ANTXR2: variants seen among roughly 807,000 people sequenced by gnomAD.
ANTXR2 encodes anthrax toxin receptor 2.
In ANTXR2, 44 loss-of-function variants were observed where a neutral mutation model predicts 73.7. The ratio of observed to expected loss-of-function variants is 0.60; its 90% CI spans 0.47 to 0.77. The LOEUF is 0.77. Among genes scored for constraint, ANTXR2 ranks in the 30% least tolerant of loss-of-function variants. The pLI is 0.00. For missense variants in ANTXR2, 604 were observed against 592.5 expected (o/e 1.02, Z -0.20); for synonymous variants, 217 against 205.9 (o/e 1.05, Z -0.46).
chr4:79,937,703 T>A (rs1227266785), intron 16 of ANTXR2, among the ~76,000 whole-genome samples: 1 of 151,958 alleles, frequency 6.6e-6, no homozygotes, highest in Non-Finnish European at 1.5e-5. Context: ...ATAGTGTTTT[T>A]AAAACCCCCT....
intron 16 of ANTXR2, among the ~76,000 whole-genome samples, chr4:79,966,550 T>C (rs1179637018): frequency 6.6e-6 from 1 of 152,084 alleles, no homozygotes; most frequent in Admixed American, 6.5e-5. Context: ...ATTTTCTGAA[T>C]AGGTAAATTA....
In ANTXR2 at chr4:79,978,170, C is replaced by A; in HGVS notation, c.1184G>T (p.Arg395Leu). 1.2e-6 allele frequency: 2 copies of A among 1,613,430 alleles called. No homozygotes were observed. The highest frequency in any genetic ancestry group is 1.7e-6 in the Non-Finnish European group (2 of 1,179,666). The change falls in exon 15 of 17, where the codon CGT becomes CTT. Residue 395 changes from arginine (R) to leucine (L), a missense_variant. Coordinates refer to ENST00000403729, the MANE Select transcript of ANTXR2 (RefSeq NM_058172.6). ...CTCAGTAGATCCTTTATCACCCCAACGAACCTGTAAAACAAAGGGAGAGTA... is the reference window on the plus strand; with the variant it reads ...CTCAGTAGATCCTTTATCACCCCAAAGAACCTGTAAAACAAAGGGAGAGTA... The part of the protein sequence containing the change: ...GVGGIKRMEV[R>L]WGDKGSTEEG...
At chr4:79,944,050 C>G (rs2109973569) in intron 16 of ANTXR2, among the ~76,000 whole-genome samples, 1 of 133,978 alleles carries the variant, frequency 7.5e-6, no homozygotes, top group South Asian at 2.9e-4. Flanking sequence ...TTGAATCAAG[C>G]TAATTAAAAC....
At chr4:79,996,628 C>T (rs1312018479) in intron 12 of ANTXR2, among the ~76,000 whole-genome samples, 2 of 151,744 alleles carry the variant, frequency 1.3e-5, no homozygotes, top group Non-Finnish European at 2.9e-5. Context: ...GGCTCAAAAG[C>T]CAAAAATGGC....
chr4:80,015,103 A>G lies in ANTXR2; in HGVS notation c.945+3795T>C, dbSNP rs527790011. Among the ~76,000 whole-genome samples the G allele has an allele frequency of 1.8e-3, 277 of 152,320 alleles. 1 individual carries two copies. Among genetic ancestry groups the G allele is most frequent in the Non-Finnish European group, 2.6e-3 (176 of 68,032 alleles). ...TTTTTCTTCCCCTTCCTACAACCTC[A>G]GCAAAAGCAAAACTTAAATTTTTAC... On this transcript the variant is annotated intron_variant, in intron 11 of 16. Transcript: ENST00000403729.
chr4:80,010,057 T>A (rs202172008), intron 11 of ANTXR2, among the ~76,000 whole-genome samples: 7 of 146,030 alleles, frequency 4.8e-5, no homozygotes, highest in Middle Eastern at 3.5e-3. Flanking sequence ...TTTTTTTTTT[T>A]ATGAGAAAAA....
At chr4:79,950,312 C>T (rs1171413865) in intron 16 of ANTXR2, among the ~76,000 whole-genome samples, 3 of 152,004 alleles carry the variant, frequency 2.0e-5, no homozygotes, top group South Asian at 4.2e-4. Context: ...CCCTTAAGAC[C>T]CCATAGACCC....
At chr4:80,006,376 T>C (rs1486660237) in intron 12 of ANTXR2, among the ~76,000 whole-genome samples, 2 of 152,058 alleles carry the variant, frequency 1.3e-5, no homozygotes, top group Non-Finnish European at 2.9e-5. Flanking sequence ...TTCTTCCTGC[T>C]TTAAAATCTA....
At chr4:80,009,616 G>A (rs144772047) in intron 11 of ANTXR2, among the ~76,000 whole-genome samples, 2,000 of 152,150 alleles carry the variant, frequency 0.013, 41 homozygotes, top group African/African-American at 0.046. Context: ...TTGGGAGGCC[G>A]AGGCAGGTGA....
At chr4:79,945,115 C>T in intron 16 of ANTXR2, among the ~76,000 whole-genome samples, 1 of 152,040 alleles carries the variant, frequency 6.6e-6, no homozygotes, top group East Asian at 1.9e-4. Flanking sequence ...CTTTTCCTTT[C>T]TGCCACATTT....
At chr4:79,944,619 G>A (rs1028100509) in intron 16 of ANTXR2, among the ~76,000 whole-genome samples, 8 of 152,144 alleles carry the variant, frequency 5.3e-5, no homozygotes, top group Admixed American at 3.9e-4. Context: ...TACTATGCTT[G>A]TCACAATATA....
chr4:80,006,324 T>C (rs1214362794), intron 12 of ANTXR2, among the ~76,000 whole-genome samples: 1 of 152,082 alleles, frequency 6.6e-6, no homozygotes, highest in South Asian at 2.1e-4. Context: ...TACTAGATAA[T>C]CAATATTAGC....
intron 16 of ANTXR2, among the ~76,000 whole-genome samples, chr4:79,912,174 C>T (rs1727170091): frequency 6.6e-6 from 1 of 151,586 alleles, no homozygotes; most frequent in South Asian, 2.1e-4. Flanking sequence ...AATTAAGGTT[C>T]GGCAGAATAA....
chr4:79,926,506 A>T (rs1727787035), intron 16 of ANTXR2, among the ~76,000 whole-genome samples: 1 of 152,170 alleles, frequency 6.6e-6, no homozygotes, highest in Non-Finnish European at 1.5e-5. Flanking sequence ...GCTTAGAAAG[A>T]AACATGAAAA....
At chr4:80,026,555 T>C (rs1578167164) in intron 10 of ANTXR2, among the ~76,000 whole-genome samples, 1 of 151,832 alleles carries the variant, frequency 6.6e-6, no homozygotes, top group Non-Finnish European at 1.5e-5. Flanking sequence ...CATCCTCATA[T>C]AGGTGTCCAT....
In ANTXR2 at chr4:80,037,310, C is replaced by T. The variant is rs1029752409; in HGVS notation, c.637-1278G>A. On this transcript the variant is annotated intron_variant, in intron 7 of 16. Transcript: ENST00000403729. The stretch of plus-strand genomic sequence containing the variant: ...GAAATAGACATGCTTTCTGTGCTTT[C>T]TTTAATAACAGCAAAACTATAAGTT... Among the ~76,000 whole-genome samples the T allele has an allele frequency of 7.2e-5, 11 of 152,146 alleles. 1 individual carries two copies. Among genetic ancestry groups the T allele is most frequent in the Admixed American group, 3.9e-4 (6 of 15,264 alleles).
chr4:79,993,857 C>A (rs1013075148), intron 12 of ANTXR2, among the ~76,000 whole-genome samples: 1 of 151,532 alleles, frequency 6.6e-6, no homozygotes, highest in South Asian at 2.1e-4. Flanking sequence ...TCTACTGAGT[C>A]TACCAATCTG....
At chr4:80,058,229 G>A (rs1212578025) in intron 3 of ANTXR2, among the ~76,000 whole-genome samples, 1 of 152,002 alleles carries the variant, frequency 6.6e-6, no homozygotes, top group African/African-American at 2.4e-5. Flanking sequence ...CTTCCCAAAC[G>A]TGGATTCAAG....
At chr4:79,965,130 C>G (rs1057176812) in intron 16 of ANTXR2, 2 of 152,198 alleles carry the variant, frequency 1.3e-5, no homozygotes, top group African/African-American at 4.8e-5. Flanking sequence ...TGGAAATTCA[C>G]CGTGACGGGA....
Sources: allele counts gnomAD v4.1 joint callset (sites outside exome capture counted in the v4.1 genomes callset), GRCh38; gene constraint gnomAD v4.1.1; transcripts MANE v1.5; gene names NCBI Gene and HGNC (gene_info 2026-07-23, HGNC 2026-07-21).